Variants in CEP41 observed in about 807,000 individuals in gnomAD.
CEP41 encodes centrosomal protein 41.
A neutral mutation model predicts 44.3 loss-of-function variants in CEP41; 32 were observed. The observed-to-expected ratio is 0.72, with a 90% CI of 0.54 to 0.97. The LOEUF is 0.97. Ranked by LOEUF, CEP41 falls within the 50% of genes least tolerant of loss-of-function variation. CEP41 has a pLI of 0.00. For missense variants in CEP41, 432 were observed against 455.2 expected (o/e 0.95, Z 0.46); for synonymous variants, 151 against 168.5 (o/e 0.90, Z 0.80).
At chr7:130,426,331 A>C (rs1554423453) in intron 2 of CEP41, among the ~76,000 whole-genome samples, 1 of 152,180 alleles carries the variant, frequency 6.6e-6, no homozygotes, top group Non-Finnish European at 1.5e-5. Flanking sequence ...CAAAAAAATG[A>C]AATTAATCTT....
Position 130,397,552 on chromosome 7 carries a change from C to T in CEP41, c.*1339G>A, listed in dbSNP as rs1486159365. The T allele has an allele frequency of 3.0e-5, 11 of 368,032 alleles. No homozygotes were observed. The highest frequency in any genetic ancestry group is 3.5e-5 in the Admixed American group (1 of 28,474). 22.8% of individuals were successfully genotyped at this position (368,032 alleles called of 1,614,324 possible). On this transcript the variant is annotated 3_prime_UTR_variant, in exon 11 of 11. Transcript: ENST00000223208. ...TTTTTTTGGTGGCGAGAAAATAGTA[C>T]TGTTAAGGCAAATCTTACCCCGTAG...
At chr7:130,434,878 AC>A (rs1554425855) in intron 1 of CEP41, among the ~76,000 whole-genome samples, 1 of 152,216 alleles carries the variant, frequency 6.6e-6, no homozygotes, top group Non-Finnish European at 1.5e-5. Context: ...ACTGAAGTAT[AC>A]AGATAATCAA....
intron 2 of CEP41, chr7:130,427,120 G>A (rs1455348691): frequency 1.3e-5 from 2 of 155,302 alleles, no homozygotes; most frequent in Admixed American, 1.3e-4. Context: ...TAAACAAAAT[G>A]ATTTAAACAA....
intron 1 of CEP41, chr7:130,440,480 G>T (rs1391848535): frequency 1.3e-5 from 4 of 303,212 alleles, no homozygotes; most frequent in Non-Finnish European, 2.5e-5. Flanking sequence ...TATGGAGAGA[G>T]GGGTAAGCCT....
chr7:130,402,924 G>T, intron 6 of CEP41, 125 bp from the exon 7 acceptor site: 1 of 989,614 alleles, frequency 1.0e-6, no homozygotes, highest in Non-Finnish European at 1.6e-6. Flanking sequence ...CAAAGGCAAA[G>T]GAAAATGGAC....
At chr7:130,409,305 C>T (rs1337333151) in intron 5 of CEP41, among the ~76,000 whole-genome samples, 6 of 152,202 alleles carry the variant, frequency 3.9e-5, no homozygotes, top group African/African-American at 1.4e-4. Flanking sequence ...CTTTGCTGTG[C>T]AAATTTATCT....
At chr7:130,405,451 GATT>G (rs1796982001) in intron 5 of CEP41, among the ~76,000 whole-genome samples, 1 of 152,172 alleles carries the variant, frequency 6.6e-6, no homozygotes. Flanking sequence ...TGTTGCCAAT[GATT>G]ATATTTTAAG....
chr7:130,415,588 T>C (rs138762860), intron 3 of CEP41, among the ~76,000 whole-genome samples: 97 of 152,314 alleles, frequency 6.4e-4, no homozygotes, highest in Non-Finnish European at 1.2e-3. Flanking sequence ...AGAAACCACA[T>C]CGTACTTTGA....
chr7:130,398,608 C>CT lies in CEP41; in HGVS notation c.*282dup. On this transcript the variant is annotated 3_prime_UTR_variant, in exon 11 of 11. Coordinates refer to ENST00000223208, the MANE Select transcript of CEP41 (RefSeq NM_018718.3). ...AACAAAAAAACTAAAAACGTAGATA[C>CT]TTTTTTCCTATACAGTTTCACAAGA... The CT allele has an allele frequency of 3.3e-6, 2 of 597,466 alleles. No homozygotes were observed. Among genetic ancestry groups the CT allele is most frequent in the Non-Finnish European group, 6.3e-6 (2 of 319,886 alleles). The allele number at this position is 597,466 out of a possible 1,614,324, so 37.0% of individuals were successfully genotyped here.
chr7:130,436,643 A>ATT (rs71527964), intron 1 of CEP41, among the ~76,000 whole-genome samples: 1 of 114,558 alleles, frequency 8.7e-6, no homozygotes, highest in Non-Finnish European at 1.9e-5. Context: ...TCTTTGTACT[A>ATT]TTTTTTTTTT....
At chr7:130,408,240 CT>C (rs1255035116) in intron 5 of CEP41, among the ~76,000 whole-genome samples, 1 of 152,130 alleles carries the variant, frequency 6.6e-6, no homozygotes, top group Non-Finnish European at 1.5e-5. Context: ...TTATTTTATA[CT>C]TTGGGTTTTT....
In CEP41 at chr7:130,400,350, T is replaced by A. The variant is rs1796805609; in HGVS notation, c.758-96A>T. The A allele has an allele frequency of 5.2e-5, 45 of 860,786 alleles. 1 individual carries two copies. The South Asian group carries it at 6.1e-4, about 12-fold the overall frequency. 53.3% of individuals were successfully genotyped at this position (860,786 alleles called of 1,614,324 possible). A position where few individuals can be genotyped will look rare whatever the true frequency, so the allele number is the denominator to read the frequency against. ...CTGCATGTCTTCTAATCTCTGGTCA[T>A]CAAGTTGAGGCCAACACAAGGACAT... On this transcript the variant is annotated intron_variant, in intron 9 of 10. Coordinates refer to ENST00000223208, the MANE Select transcript of CEP41 (RefSeq NM_018718.3).
At chr7:130,423,871 A>G (rs1797582956) in intron 2 of CEP41, among the ~76,000 whole-genome samples, 1 of 152,220 alleles carries the variant, frequency 6.6e-6, no homozygotes, top group Admixed American at 6.5e-5. Context: ...AAAAGGCTAC[A>G]TACTGTATGA....
chr7:130,430,013 T>A (rs1797777799), intron 1 of CEP41, among the ~76,000 whole-genome samples: 1 of 152,218 alleles, frequency 6.6e-6, no homozygotes, highest in Non-Finnish European at 1.5e-5. Context: ...CCTTTGCCTT[T>A]GAAAACAGTT....
chr7:130,424,746 A>G (rs1797610159), intron 2 of CEP41, among the ~76,000 whole-genome samples: 2 of 152,082 alleles, frequency 1.3e-5, no homozygotes, highest in Non-Finnish European at 2.9e-5. Flanking sequence ...AAACTTTTAG[A>G]AAAAAAATCA....
chr7:130,405,028 C>G (rs1796967638), intron 5 of CEP41, among the ~76,000 whole-genome samples: 2 of 152,180 alleles, frequency 1.3e-5, no homozygotes, highest in South Asian at 4.1e-4. Flanking sequence ...TGGCACCAAG[C>G]TTTATTAGCA....
rs118187413 is a variant in CEP41 at position 130,405,194 on chromosome 7, G to A, written c.278-486C>T. On this transcript the variant is annotated intron_variant, in intron 5 of 10. Transcript: ENST00000223208. ...CTTTTTTTAATGTTCTGTGTGATGA[G>A]GTGAGGAGTCCACATACATCACGTT... Among the ~76,000 whole-genome samples, 230 of 152,214 alleles carry A rather than the reference G, an allele frequency of 1.5e-3. 1 individual carries two copies. The East Asian group carries it at 0.021, about 14-fold the overall frequency.
Position 130,397,639 on chromosome 7 carries a change from G to A in CEP41, c.*1252C>T, listed in dbSNP as rs10254037. 1 of 450,050 alleles carries A rather than the reference G, an allele frequency of 2.2e-6. No homozygotes were observed. Among genetic ancestry groups the A allele is most frequent in the African/African-American group, 2.1e-5 (1 of 48,532 alleles). The allele number at this position is 450,050 out of a possible 1,614,324, so 27.9% of individuals were successfully genotyped here. A position where few individuals can be genotyped will look rare whatever the true frequency, so the allele number is the denominator to read the frequency against. On this transcript the variant is annotated 3_prime_UTR_variant, in exon 11 of 11. Transcript: ENST00000223208. The stretch of plus-strand genomic sequence containing the variant: ...TTCAGAAGCTGGTTGCCATGACAAA[G>A]AGCACAATTTATTCCTCAGTCCCTT...
In CEP41 at chr7:130,396,033, TCTG is replaced by T. The variant is rs1554414386; in HGVS notation, c.*2855_*2857del. 2 of 453,990 alleles carry T rather than the reference TCTG, an allele frequency of 4.4e-6. No individual in the cohort carries two copies. The highest frequency in any genetic ancestry group is 2.0e-5 in the African/African-American group (1 of 49,998). The allele number at this position is 453,990 out of a possible 1,614,324, so 28.1% of individuals were successfully genotyped here. The stretch of plus-strand genomic sequence containing the variant: ...TAGCTTTCTCCTTTCTCTCTCGCTT[TCTG>T]CTTCTTTTCTTCTCTCTGCCCTCCC... On this transcript the variant is annotated 3_prime_UTR_variant, in exon 11 of 11. Transcript: ENST00000223208.
Sources: gnomAD v4.1 joint callset for allele counts (sites outside exome capture counted in the v4.1 genomes callset) on GRCh38, gnomAD v4.1.1 for gene constraint, MANE v1.5 for transcripts, NCBI Gene and HGNC (gene_info 2026-07-23, HGNC 2026-07-21) for gene names.